NBEA: variants seen among roughly 807,000 people sequenced by gnomAD.
NBEA encodes neurobeachin.
NBEA carries 44 observed loss-of-function variants against 343.4 expected under a neutral mutation model. That is an observed-to-expected ratio of 0.13 (90% CI 0.10 to 0.16). The LOEUF is 0.16. Ranked by LOEUF, NBEA falls within the 10% of genes least tolerant of loss-of-function variation. The pLI, the probability that NBEA is intolerant of heterozygous loss-of-function variation, is 1.00. For synonymous variants in NBEA, 1,175 were observed against 1,238.7 expected (o/e 0.95, Z 1.08); for missense variants, 2,555 against 3,631.3 (o/e 0.70, Z 7.62).
chr13:35,145,809 C>G (rs576698992), intron 18 of NBEA, among the ~76,000 whole-genome samples: 1 of 152,154 alleles, frequency 6.6e-6, no homozygotes, highest in Admixed American at 6.5e-5. Context: ...GAATTACAGC[C>G]TCATTAATGG....
At chr13:34,961,644 G>T (rs1360042424) in intron 1 of NBEA, among the ~76,000 whole-genome samples, 1 of 152,014 alleles carries the variant, frequency 6.6e-6, no homozygotes, top group Non-Finnish European at 1.5e-5. Context: ...TCAAGATAAG[G>T]TCTCTGCCCT....
At chr13:35,338,256 A>G (rs2039381735) in intron 36 of NBEA, among the ~76,000 whole-genome samples, 1 of 151,962 alleles carries the variant, frequency 6.6e-6, no homozygotes, top group African/African-American at 2.4e-5. Context: ...AAAATCGGGA[A>G]TGAAAGTAGG....
At chr13:35,097,645 GCTTAA>G (rs1566280101) in intron 10 of NBEA, among the ~76,000 whole-genome samples, 3 of 151,954 alleles carry the variant, frequency 2.0e-5, no homozygotes, top group East Asian at 3.9e-4. Context: ...CAAATCAAGT[GCTTAA>G]CTTTGACACC....
intron 18 of NBEA, among the ~76,000 whole-genome samples, chr13:35,144,721 C>T (rs1007849076): frequency 6.6e-6 from 1 of 152,120 alleles, no homozygotes; most frequent in African/African-American, 2.4e-5. Flanking sequence ...TTGGCCCTGC[C>T]TGGCAAGGGT....
At chr13:35,116,869 T>C (rs1343058702) in intron 13 of NBEA, among the ~76,000 whole-genome samples, 4 of 152,102 alleles carry the variant, frequency 2.6e-5, no homozygotes, top group Non-Finnish European at 5.9e-5. Flanking sequence ...TAATATTTTA[T>C]ACTCATTTTC....
At chr13:35,123,199 TAGAG>T (rs933913778) in intron 16 of NBEA, among the ~76,000 whole-genome samples, 10 of 152,314 alleles carry the variant, frequency 6.6e-5, no homozygotes, top group East Asian at 3.9e-4. Context: ...GGCCAATTCT[TAGAG>T]AGAAGACATG....
intron 46 of NBEA, among the ~76,000 whole-genome samples, chr13:35,584,466 G>C (rs961436806): frequency 2.0e-5 from 3 of 151,072 alleles, no homozygotes; most frequent in Non-Finnish European, 4.4e-5. Flanking sequence ...CTACAGGCAT[G>C]TAACACCTTG....
At chr13:35,520,366 TATA>T (rs1456818009) in intron 41 of NBEA, among the ~76,000 whole-genome samples, 1 of 152,218 alleles carries the variant, frequency 6.6e-6, no homozygotes, top group African/African-American at 2.4e-5. Flanking sequence ...AGTCACCATG[TATA>T]ATAATACTTC....
chr13:35,584,698 C>A (rs893213455), intron 46 of NBEA, among the ~76,000 whole-genome samples: 1 of 151,980 alleles, frequency 6.6e-6, no homozygotes, highest in African/African-American at 2.4e-5. Flanking sequence ...CAGCGTTTCA[C>A]CATGTTGGCC....
intron 55 of NBEA, among the ~76,000 whole-genome samples, chr13:35,659,576 A>C (rs2084972433): frequency 6.6e-6 from 1 of 152,174 alleles, no homozygotes; most frequent in Non-Finnish European, 1.5e-5. Flanking sequence ...GTCTTTTTCT[A>C]ATCATTTTGA....
At chr13:35,218,779 T>A (rs1318510435) in intron 33 of NBEA, among the ~76,000 whole-genome samples, 1 of 152,092 alleles carries the variant, frequency 6.6e-6, no homozygotes, top group Non-Finnish European at 1.5e-5. Flanking sequence ...CTCCTTCTGT[T>A]AACATGGTAT....
chr13:35,355,661 T>TCAACCTCCTCTGCCAATACTCTC (rs1363391749), intron 38 of NBEA, among the ~76,000 whole-genome samples: 1 of 152,128 alleles, frequency 6.6e-6, no homozygotes, highest in Non-Finnish European at 1.5e-5. Flanking sequence ...TGTTAACTCT[T>TCAACCTCCTCTGCCAATACTCTC]CAACCTCCTC....
chr13:35,350,288 C>T (rs1015030769), intron 37 of NBEA, among the ~76,000 whole-genome samples: 3 of 152,102 alleles, frequency 2.0e-5, no homozygotes, highest in Non-Finnish European at 4.4e-5. Flanking sequence ...ACCAAGGTGA[C>T]ATTAAGCCAA....
At position 35,142,364 on chromosome 13, in the gene NBEA, A is replaced by G. The variant is rs773761968; in HGVS notation, c.2432A>G (p.Asn811Ser). The G allele has an allele frequency of 2.0e-5, 33 of 1,611,022 alleles. No individual in the cohort carries two copies. The highest frequency in any genetic ancestry group is 2.8e-5 in the Non-Finnish European group (33 of 1,177,820). Residue 811 changes from asparagine (N) to serine (S), a missense_variant, in exon 18 of 59, where the codon AAC (asparagine) becomes AGC (serine). Asn to Ser is a conservative substitution (Grantham distance 46, BLOSUM62 1). Coordinates refer to ENST00000379939, the MANE Select transcript of NBEA (RefSeq NM_001385012.1). ...HTNTVTVTTYNTLYEILTEQV... is the reference protein window; with the variant it reads ...HTNTVTVTTYSTLYEILTEQV... The stretch of plus-strand genomic sequence containing the variant: ...AACACTGTGACTGTCACCACATACA[A>G]CACACTTTATGAGGTAAAAATAAAA...
At chr13:34,948,008 T>C (rs2059239106) in intron 1 of NBEA, among the ~76,000 whole-genome samples, 1 of 152,210 alleles carries the variant, frequency 6.6e-6, no homozygotes. Context: ...TTATGTATAA[T>C]CAAATATAAT....
At chr13:35,451,677 A>G (rs2046319007) in intron 39 of NBEA, among the ~76,000 whole-genome samples, 1 of 152,228 alleles carries the variant, frequency 6.6e-6, no homozygotes, top group African/African-American at 2.4e-5. Flanking sequence ...GCTAATTAAG[A>G]CAAAGTATAA....
chr13:35,513,302 ATTTT>A (rs754363500), intron 41 of NBEA, among the ~76,000 whole-genome samples: 179 of 72,282 alleles, frequency 2.5e-3, no homozygotes, highest in East Asian at 0.02. Flanking sequence ...ACACCTGGCA[ATTTT>A]TTTTTTTTTT....
At chr13:35,572,541 A>G (rs1251853969) in intron 45 of NBEA, among the ~76,000 whole-genome samples, 2 of 152,222 alleles carry the variant, frequency 1.3e-5, no homozygotes, top group African/African-American at 2.4e-5. Flanking sequence ...AATAAAAGGA[A>G]GTGATAATGC....
intron 49 of NBEA, among the ~76,000 whole-genome samples, chr13:35,629,693 A>G (rs1175373014): frequency 1.3e-5 from 2 of 152,218 alleles, no homozygotes; most frequent in Admixed American, 6.5e-5. Context: ...CACTCACCCA[A>G]CTGAGTATCC....
Sources: allele counts gnomAD v4.1 joint callset (sites outside exome capture counted in the v4.1 genomes callset), GRCh38; gene constraint gnomAD v4.1.1; transcripts MANE v1.5; gene names NCBI Gene and HGNC (gene_info 2026-07-23, HGNC 2026-07-21).